The following SERPINB12 variants were observed in gnomAD, a reference collection of about 807,000 sequenced individuals.
SERPINB12 encodes the protein serpin family B member 12.
A neutral mutation model predicts 41.1 loss-of-function variants in SERPINB12; 57 were observed. The ratio of observed to expected loss-of-function variants is 1.39; its 90% confidence interval spans 1.12 to 1.73. The LOEUF is 1.73. SERPINB12 is among the 40% of genes most tolerant of loss of function. SERPINB12 has a pLI of 0.00. For synonymous variants in SERPINB12, 180 were observed against 181.3 expected, an observed-to-expected ratio of 0.99 and a Z score of 0.06; for missense variants, 536 against 501.9, an observed-to-expected ratio of 1.07 and a Z score of -0.65.
intron 1 of SERPINB12, among the ~76,000 whole-genome samples, chr18:63,546,971 T>C (rs1910401559): frequency 6.6e-6 from 1 of 152,198 alleles, no homozygotes; most frequent in Non-Finnish European, 1.5e-5. Context: ...AATTGCCTGA[T>C]ATAATTTTTA....
At chr18:63,522,649 G>A in the SERPINB12 span, among the ~76,000 whole-genome samples, 1 of 152,130 alleles carries the variant, frequency 6.6e-6, no homozygotes, top group African/African-American at 2.4e-5. Context: ...CTCCTTTAAA[G>A]TTGAGGAAAA....
intron 1 of SERPINB12, among the ~76,000 whole-genome samples, chr18:63,544,396 G>A (rs984164090): frequency 2.6e-5 from 4 of 152,154 alleles, no homozygotes; most frequent in South Asian, 2.1e-4. Flanking sequence ...TATTAAAAAC[G>A]TGAATAGTTG....
the SERPINB12 span, among the ~76,000 whole-genome samples, chr18:63,522,176 A>AT: frequency 6.6e-6 from 1 of 152,238 alleles, no homozygotes; most frequent in Non-Finnish European, 1.5e-5. Context: ...GTAATTTCAG[A>AT]TTAAAAAACC....
In SERPINB12 at chr18:63,565,507, G is replaced by A; in HGVS notation, c.768G>A (p.Glu256=). ...QKGLYRIGFI[E]EVKAQILEMR... is the part of the protein sequence containing the mutation. ...GCCTCTACAGAATTGGCTTCATAGA[G>A]GAGGTGAAGGCACAGATCCTGGAAA... Residue 256 remains glutamate (E), a synonymous_variant, in exon 7 of 8, where the codon GAG becomes GAA. Transcript: ENST00000382768. 6 of 1,614,038 alleles carry A rather than the reference G, an allele frequency of 3.7e-6. No individual in the cohort carries two copies. The highest frequency in any genetic ancestry group is 5.1e-6 in the Non-Finnish European group (6 of 1,179,938).
At chr18:63,551,256 G>A (rs896717285) in intron 1 of SERPINB12, among the ~76,000 whole-genome samples, 12 of 151,784 alleles carry the variant, frequency 7.9e-5, no homozygotes, top group African/African-American at 2.7e-4. Flanking sequence ...GCGACAGAGC[G>A]AGACTCCATC....
Position 63,559,632 on chromosome 18 carries a change from C to A in SERPINB12, c.358C>A (p.Leu120Ile). 1 of 1,614,134 alleles carries A rather than the reference C, an allele frequency of 6.2e-7. No individual in the cohort carries two copies. The highest frequency in any genetic ancestry group is 1.7e-5 in the Admixed American group (1 of 60,026). The change falls in exon 4 of 8, where the codon CTC (leucine) becomes ATC (isoleucine). Residue 120 changes from leucine (L) to isoleucine (I), a missense_variant. Transcript: ENST00000382768. ...GLVSCYFGQL[L>I]SKLDRIKTDY... ...GGTCAGCTGCTACTTTGGGCAGCTT[C>A]TCTCCAAATTAGACAGGATCAAGAC...
intron 1 of SERPINB12, among the ~76,000 whole-genome samples, chr18:63,549,323 A>G (rs1050120837): frequency 6.6e-6 from 1 of 152,170 alleles, no homozygotes; most frequent in Non-Finnish European, 1.5e-5. Context: ...TTGAGAATAA[A>G]ATTCCTTCTT....
chr18:63,561,020 C>T, intron 4 of SERPINB12, 65 bp from the exon 5 acceptor site: 1 of 1,055,638 alleles, frequency 9.5e-7, no homozygotes, highest in Non-Finnish European at 1.5e-6. Context: ...GAGAGTCTCA[C>T]TCCTAACTAC....
At chr18:63,559,333 C>T (rs1348771254) in intron 3 of SERPINB12, among the ~76,000 whole-genome samples, 1 of 151,732 alleles carries the variant, frequency 6.6e-6, no homozygotes, top group African/African-American at 2.4e-5. Context: ...TGCTGAGTTC[C>T]CCAGATGTAT....
At chr18:63,561,864 C>G (rs1345781094) in intron 5 of SERPINB12, among the ~76,000 whole-genome samples, 1 of 152,058 alleles carries the variant, frequency 6.6e-6, no homozygotes, top group Non-Finnish European at 1.5e-5. Context: ...TGGCAAGGAA[C>G]AATGAACCCT....
At chr18:63,550,924 T>C (rs1910508402) in intron 1 of SERPINB12, among the ~76,000 whole-genome samples, 1 of 152,174 alleles carries the variant, frequency 6.6e-6, no homozygotes, top group Admixed American at 6.5e-5. Flanking sequence ...CCTCTAAAAC[T>C]GCAGATTAGT....
chr18:63,545,210 A>T (rs1910358334), intron 1 of SERPINB12, among the ~76,000 whole-genome samples: 1 of 151,916 alleles, frequency 6.6e-6, no homozygotes, highest in Non-Finnish European at 1.5e-5. Context: ...TTGACATAGA[A>T]CTATTTTTTT....
chr18:63,532,984 C>T, the SERPINB12 span, among the ~76,000 whole-genome samples: 1 of 151,946 alleles, frequency 6.6e-6, no homozygotes, highest in South Asian at 2.1e-4. Context: ...CATGTTTCTT[C>T]TTCTTTTTTT....
chr18:63,519,787 G>T, the SERPINB12 span, among the ~76,000 whole-genome samples: 1 of 152,108 alleles, frequency 6.6e-6, no homozygotes, highest in Admixed American at 6.5e-5. Flanking sequence ...CATCTCCTGA[G>T]AATTTTGTTA....
the SERPINB12 span, among the ~76,000 whole-genome samples, chr18:63,523,393 T>C: frequency 2.6e-5 from 4 of 152,040 alleles, no homozygotes; most frequent in Non-Finnish European, 4.4e-5. Flanking sequence ...TACTAAAAGG[T>C]AAAGAAACAA....
chr18:63,535,809 A>T, the SERPINB12 span, among the ~76,000 whole-genome samples: 3 of 152,186 alleles, frequency 2.0e-5, no homozygotes, highest in Non-Finnish European at 4.4e-5. Context: ...TATGCAACTT[A>T]TTCATCAGTA....
At chr18:63,533,696 T>G in the SERPINB12 span, among the ~76,000 whole-genome samples, 5 of 152,216 alleles carry the variant, frequency 3.3e-5, no homozygotes, top group Admixed American at 2.6e-4. Context: ...AGAATATTTG[T>G]AACTCTGGTG....
chr18:63,547,438 T>C (rs1474859573), intron 1 of SERPINB12, among the ~76,000 whole-genome samples: 1 of 152,056 alleles, frequency 6.6e-6, no homozygotes, highest in East Asian at 1.9e-4. Flanking sequence ...TAGATATTGG[T>C]TATTATTTAG....
chr18:63,565,358 G>T, intron 6 of SERPINB12, 87 bp from the exon 7 acceptor site: 1 of 1,257,694 alleles, frequency 8.0e-7, no homozygotes, highest in African/African-American at 1.5e-5. Context: ...TCATCTTTAG[G>T]AACCCCTGTC....
Sources: gnomAD v4.1 joint callset for allele counts (sites outside exome capture counted in the v4.1 genomes callset) on GRCh38, gnomAD v4.1.1 for gene constraint, MANE v1.5 for transcripts, NCBI Gene and HGNC (gene_info 2026-07-23, HGNC 2026-07-21) for gene names.